Variants in MCTP2 observed in about 807,000 individuals in gnomAD.
MCTP2 encodes multiple C2 and transmembrane domain containing 2.
MCTP2 carries 132 observed loss-of-function variants against 111.6 expected under a neutral mutation model. The ratio of observed to expected loss-of-function variants is 1.18; its 90% CI spans 1.03 to 1.37. The LOEUF is 1.37. MCTP2 is among the 40% of genes most tolerant of loss of function. The probability of loss-of-function intolerance (pLI) is 0.00; values close to 1 mark genes in which losing one functional copy is unlikely to be tolerated. For missense variants in MCTP2, 1,183 were observed against 1,067.9 expected (o/e 1.11, Z -1.50); for synonymous variants, 395 against 387.7 (o/e 1.02, Z -0.22).
At chr15:94,476,070 G>T (rs1167219589) in intron 21 of MCTP2, among the ~76,000 whole-genome samples, 1 of 152,166 alleles carries the variant, frequency 6.6e-6, no homozygotes. Context: ...CAGCATCAAA[G>T]TACAATCAAC....
chr15:94,363,696 T>C (rs1397140974), intron 10 of MCTP2, among the ~76,000 whole-genome samples: 1 of 152,158 alleles, frequency 6.6e-6, no homozygotes, highest in Non-Finnish European at 1.5e-5. Context: ...TTGATTTCCA[T>C]CGTGTAAATC....
chr15:94,461,167 A>T (rs1439579038), intron 20 of MCTP2, among the ~76,000 whole-genome samples: 1 of 152,154 alleles, frequency 6.6e-6, no homozygotes, highest in South Asian at 2.1e-4. Context: ...TTTACTCAAC[A>T]TGTAGCATTT....
At chr15:94,245,472 A>G (rs546654110) in intron 1 of MCTP2, among the ~76,000 whole-genome samples, 1 of 140,322 alleles carries the variant, frequency 7.1e-6, no homozygotes, top group Admixed American at 7.4e-5. Context: ...ATATACATAT[A>G]TGTATATATA....
intron 1 of MCTP2, among the ~76,000 whole-genome samples, chr15:94,258,833 T>C (rs1253514667): frequency 6.6e-6 from 1 of 152,186 alleles, no homozygotes; most frequent in Non-Finnish European, 1.5e-5. Flanking sequence ...GGTTAAAGGA[T>C]TTAATTATTC....
chr15:94,340,222 A>T lies in MCTP2; in HGVS notation c.804A>T (p.Thr268=). 3.1e-6 allele frequency: 5 copies of T among 1,613,072 alleles called. No individual in the cohort carries two copies. The highest frequency in any genetic ancestry group is 3.4e-6 in the Non-Finnish European group (4 of 1,179,238). Residue 268 remains threonine, a synonymous_variant, in exon 6 of 23, where the codon ACA becomes ACT. Coordinates refer to ENST00000357742, the MANE Select transcript of MCTP2 (RefSeq NM_001385001.1). The part of the protein sequence containing the change: ...RVKVYDRDLT[T]SDFMGSAFVI... ...AGGTATATGATCGAGATTTAACCAC[A>T]TCTGATTTCATGGGTTCTGCATTTG... is the stretch of plus-strand genomic sequence containing the variant.
chr15:94,261,314 AATTG>A (rs1325118023), intron 1 of MCTP2, among the ~76,000 whole-genome samples: 1 of 152,122 alleles, frequency 6.6e-6, no homozygotes, highest in Non-Finnish European at 1.5e-5. Context: ...AAACTTTCTA[AATTG>A]ATTGAGACCT....
chr15:94,378,644 G>A (rs1168263604), intron 12 of MCTP2, among the ~76,000 whole-genome samples: 1 of 152,208 alleles, frequency 6.6e-6, no homozygotes, highest in African/African-American at 2.4e-5. Flanking sequence ...GCAAGGTGAA[G>A]TCCTATTTTT....
At chr15:94,327,835 G>C (rs967388843) in intron 4 of MCTP2, among the ~76,000 whole-genome samples, 1 of 152,172 alleles carries the variant, frequency 6.6e-6, no homozygotes, top group African/African-American at 2.4e-5. Context: ...TTCCTCTGAA[G>C]ATTTTTGTTG....
intron 1 of MCTP2, among the ~76,000 whole-genome samples, chr15:94,271,541 G>A (rs1211676882): frequency 6.6e-6 from 1 of 152,122 alleles, no homozygotes; most frequent in Non-Finnish European, 1.5e-5. Flanking sequence ...GGTGTTTGCT[G>A]TTTCTGTTAA....
chr15:94,314,321 T>C lies in MCTP2; in HGVS notation c.505T>C (p.Ser169Pro), dbSNP rs768863067. 2 of 1,608,744 alleles carry C rather than the reference T, an allele frequency of 1.2e-6. No individual in the cohort carries two copies. The highest frequency in any genetic ancestry group is 4.5e-5 in the East Asian group (2 of 44,828). ...CAGTGACCTGAATGCTTCTATGACA[T>C]CTCAACATTTTGAAGAACAATCTGT... Reference protein sequence around the residue: ...GSSDLNASMTSQHFEEQSVPG... With the variant: ...GSSDLNASMTPQHFEEQSVPG... The change falls in exon 3 of 23, where the codon TCT becomes CCT. Residue 169 changes from serine (S) to proline (P), a missense_variant. Ser to Pro is a moderately conservative substitution (Grantham distance 74). Coordinates refer to ENST00000357742, the MANE Select transcript of MCTP2 (RefSeq NM_001385001.1).
chr15:94,245,561 CAT>C (rs2071888883), intron 1 of MCTP2, among the ~76,000 whole-genome samples: 1 of 139,332 alleles, frequency 7.2e-6, no homozygotes, highest in Admixed American at 7.3e-5. Context: ...TATATGTATA[CAT>C]ATATGTATAT....
chr15:94,346,386 T>C (rs547265725), intron 8 of MCTP2, among the ~76,000 whole-genome samples: 1 of 152,260 alleles, frequency 6.6e-6, no homozygotes, highest in African/African-American at 2.4e-5. Context: ...CAAGAAATAA[T>C]AACACGGAGC....
At chr15:94,470,961 G>T in intron 21 of MCTP2, among the ~76,000 whole-genome samples, 1 of 152,212 alleles carries the variant, frequency 6.6e-6, no homozygotes, top group East Asian at 1.9e-4. Flanking sequence ...TGCCTGAACA[G>T]AGAGGAAGTT....
intron 1 of MCTP2, among the ~76,000 whole-genome samples, chr15:94,245,915 A>T (rs915836440): frequency 2.6e-5 from 4 of 152,060 alleles, no homozygotes; most frequent in South Asian, 2.1e-4. Context: ...GTTTCAAAAA[A>T]CTTGTCTCCC....
intron 9 of MCTP2, 106 bp from the exon 10 acceptor site, chr15:94,358,376 T>G: frequency 9.7e-7 from 1 of 1,031,996 alleles, no homozygotes; most frequent in Non-Finnish European, 1.4e-6. Flanking sequence ...AGGGGTGAGG[T>G]CCATCATCTT....
At position 94,386,463 on chromosome 15, in the gene MCTP2, T is replaced by C. The variant is rs114678987; in HGVS notation, c.1788+938T>C. Among the ~76,000 whole-genome samples, 372 of 152,334 alleles carry C rather than the reference T, an allele frequency of 2.4e-3. 1 individual carries two copies. Among genetic ancestry groups the C allele is most frequent in the African/African-American group, 8.2e-3 (341 of 41,578 alleles). On this transcript the variant is annotated intron_variant, in intron 14 of 22. Coordinates refer to ENST00000357742, the MANE Select transcript of MCTP2 (RefSeq NM_001385001.1). Reference sequence around the variant, plus strand: ...GAATGCCGTACTTCTTACTATCTTTTCTTCTGTGTTTGTGCACTTGGATAA... The same window carrying C: ...GAATGCCGTACTTCTTACTATCTTTCCTTCTGTGTTTGTGCACTTGGATAA...
At chr15:94,243,121 ATG>A (rs1190439834) in intron 1 of MCTP2, among the ~76,000 whole-genome samples, 1 of 144,932 alleles carries the variant, frequency 6.9e-6, no homozygotes, top group Non-Finnish European at 1.5e-5. Context: ...GTGTGTATAT[ATG>A]TATCTACGGG....
intron 12 of MCTP2, among the ~76,000 whole-genome samples, chr15:94,372,475 C>T (rs539869126): frequency 6.6e-6 from 1 of 152,304 alleles, no homozygotes; most frequent in Non-Finnish European, 1.5e-5. Context: ...AATGGATTCA[C>T]ATTACCGTGA....
intron 19 of MCTP2, among the ~76,000 whole-genome samples, chr15:94,454,770 A>AT (rs1477018459): frequency 2.0e-5 from 3 of 152,134 alleles, no homozygotes; most frequent in African/African-American, 7.2e-5. Context: ...AACATATAAA[A>AT]GGTCAAATGT....
Sources: gnomAD v4.1 joint callset for allele counts (sites outside exome capture counted in the v4.1 genomes callset) on GRCh38, gnomAD v4.1.1 for gene constraint, MANE v1.5 for transcripts, NCBI Gene and HGNC (gene_info 2026-07-23, HGNC 2026-07-21) for gene names.